Variants in SLC25A46 observed in about 807,000 individuals in gnomAD.
The protein encoded by SLC25A46 is mitochondrial outer membrane protein SLC25A46.
SLC25A46 carries 39 observed loss-of-function variants against 44.6 expected under a neutral mutation model. The observed-to-expected ratio is 0.87, with a 90% confidence interval of 0.68 to 1.14. The LOEUF (loss-of-function observed/expected upper bound fraction) is 1.14, where lower values mean the gene tolerates loss of function less well. Among genes scored for constraint, SLC25A46 ranks in the 50% most tolerant of loss-of-function variants. SLC25A46 has a pLI of 0.00. For missense variants in SLC25A46, 547 were observed against 522.7 expected, an observed-to-expected ratio of 1.05 and a Z score of -0.45; for synonymous variants, 202 against 185.8, an observed-to-expected ratio of 1.09 and a Z score of -0.71.
intron 7 of SLC25A46, among the ~76,000 whole-genome samples, chr5:110,758,189 C>T (rs746062041): frequency 9.2e-5 from 14 of 151,986 alleles, no homozygotes; most frequent in African/African-American, 1.4e-4. Flanking sequence ...AATGCCTTTG[C>T]CATCTCTTGT....
upstream of SLC25A46, chr5:110,738,858 T>C: frequency 1.4e-6 from 1 of 736,116 alleles, no homozygotes; most frequent in Non-Finnish European, 2.1e-6. Flanking sequence ...CACAACCATA[T>C]TCCCACCTAT....
At chr5:110,743,516 C>A (rs1011773885) in intron 2 of SLC25A46, among the ~76,000 whole-genome samples, 2 of 151,996 alleles carry the variant, frequency 1.3e-5, no homozygotes, top group South Asian at 2.1e-4. Flanking sequence ...GTATGCAGAT[C>A]TGGTTTTCAT....
At chr5:110,751,432 G>A (rs1203197169) in intron 5 of SLC25A46, among the ~76,000 whole-genome samples, 1 of 152,166 alleles carries the variant, frequency 6.6e-6, no homozygotes, top group Non-Finnish European at 1.5e-5. Context: ...AAATGCTGTT[G>A]CAGTGGGGAG....
Position 110,762,644 on chromosome 5 carries a change from C to T in SLC25A46, c.*862C>T, listed in dbSNP as rs1280579034. On this transcript the variant is annotated 3_prime_UTR_variant, in exon 8 of 8. Coordinates refer to ENST00000355943, the MANE Select transcript of SLC25A46 (RefSeq NM_138773.4). ...AATCATTGGGCTGTTTTTAGAGCCA[C>T]TGTTAAGAGAGAATATAAAATAATC... is the stretch of plus-strand genomic sequence containing the variant. 1 of 151,822 alleles carries T rather than the reference C, an allele frequency of 6.6e-6. No individual in the cohort carries two copies. The highest frequency in any genetic ancestry group is 1.5e-5 in the Non-Finnish European group (1 of 67,886). 9.4% of individuals were successfully genotyped at this position (151,822 alleles called of 1,614,324 possible). A position where few individuals can be genotyped will look rare whatever the true frequency, so the allele number is the denominator to read the frequency against.
intron 3 of SLC25A46, among the ~76,000 whole-genome samples, chr5:110,744,388 C>T (rs1196012652): frequency 2.0e-5 from 3 of 152,178 alleles, no homozygotes; most frequent in African/African-American, 4.8e-5. Context: ...TACTTTGTTA[C>T]ATTAAAAAAT....
chr5:110,749,914 C>G (rs1354360531), intron 5 of SLC25A46, among the ~76,000 whole-genome samples: 1 of 152,034 alleles, frequency 6.6e-6, no homozygotes, highest in Non-Finnish European at 1.5e-5. Flanking sequence ...TATATCAGCA[C>G]TATATTTTTG....
Position 110,739,166 on chromosome 5 carries a change from G to C in SLC25A46, c.47G>C (p.Gly16Ala). Residue 16 changes from glycine to alanine, a missense_variant, in exon 1 of 8, where the codon GGT (glycine) becomes GCT (alanine). Coordinates refer to ENST00000355943, the MANE Select transcript of SLC25A46 (RefSeq NM_138773.4). ...GGATTTGATGGCTTGGGCTACCGGG[G>C]TGGTGCCCGGGACGAGCAGGGCTTT... ...PDGFDGLGYR[G>A]GARDEQGFGG... 6.4e-7 allele frequency: 1 copy of C among 1,550,402 alleles called. No individual in the cohort carries two copies. Among genetic ancestry groups the C allele is most frequent in the South Asian group, 1.2e-5 (1 of 84,058 alleles).
intron 1 of SLC25A46, among the ~76,000 whole-genome samples, chr5:110,740,846 G>C (rs1463630470): frequency 2.0e-5 from 3 of 152,180 alleles, no homozygotes; most frequent in Non-Finnish European, 2.9e-5. Context: ...CAGCTACTCG[G>C]GAGGCTGAGG....
chr5:110,742,162 A>G (rs1799707940), intron 2 of SLC25A46, 73 bp downstream of exon 2: 2 of 1,067,644 alleles, frequency 1.9e-6, no homozygotes, highest in Admixed American at 5.4e-5. Context: ...TTACAATATT[A>G]AATGATTATT....
rs1800282533 is a variant in SLC25A46 at position 110,762,520 on chromosome 5, G to C, written c.*738G>C. 6.6e-6 allele frequency: 1 copy of C among 151,716 alleles called. No individual in the cohort carries two copies. Among genetic ancestry groups the C allele is most frequent in the South Asian group, 2.1e-4 (1 of 4,818 alleles). 9.4% of individuals were successfully genotyped at this position (151,716 alleles called of 1,614,324 possible). On this transcript the variant is annotated 3_prime_UTR_variant, in exon 8 of 8. Coordinates refer to ENST00000355943, the MANE Select transcript of SLC25A46 (RefSeq NM_138773.4). ...CAAGGTACCCAAAAGATACAAGTCA[G>C]AGACAACATCCTTGTCCATATCCAA...
At position 110,764,159 on chromosome 5, in the gene SLC25A46, T is replaced by C. The variant is rs1419985512; in HGVS notation, c.*2377T>C. 6.6e-6 allele frequency: 1 copy of C among 151,872 alleles called. No homozygotes were observed. The highest frequency in any genetic ancestry group is 1.9e-4 in the East Asian group (1 of 5,174). 9.4% of individuals were successfully genotyped at this position (151,872 alleles called of 1,614,324 possible). A position where few individuals can be genotyped will look rare whatever the true frequency, so the allele number is the denominator to read the frequency against. On this transcript the variant is annotated 3_prime_UTR_variant, in exon 8 of 8. Coordinates refer to ENST00000355943, the MANE Select transcript of SLC25A46 (RefSeq NM_138773.4). ...TGTTCCACAGGCCCACTGGTCCTCTTATATAAGCCAAATTTTGGCCATGGA... is the reference window on the plus strand; with the variant it reads ...TGTTCCACAGGCCCACTGGTCCTCTCATATAAGCCAAATTTTGGCCATGGA...
intron 5 of SLC25A46, among the ~76,000 whole-genome samples, chr5:110,751,100 G>C (rs1799958402): frequency 6.6e-6 from 1 of 152,046 alleles, no homozygotes; most frequent in Non-Finnish European, 1.5e-5. Flanking sequence ...TTGGTGATAA[G>C]GCCCACTCAT....
At chr5:110,738,385 T>G, upstream of SLC25A46, 2 of 537,806 alleles carry the variant, frequency 3.7e-6, no homozygotes, top group South Asian at 3.6e-5. Flanking sequence ...TATAGTTTCT[T>G]TACAGCCTTA....
chr5:110,738,155 C>T, upstream of SLC25A46: 3 of 1,165,416 alleles, frequency 2.6e-6, no homozygotes, highest in African/African-American at 1.6e-5. Flanking sequence ...GGGCTTCCAA[C>T]GAGTTGAAGG....
intron 5 of SLC25A46, among the ~76,000 whole-genome samples, chr5:110,748,744 G>A (rs1336346748): frequency 6.6e-6 from 1 of 152,052 alleles, no homozygotes; most frequent in Non-Finnish European, 1.5e-5. Context: ...AGCAAGAAGA[G>A]GTAACATGTC....
chr5:110,740,048 G>A (rs1799607639), intron 1 of SLC25A46, among the ~76,000 whole-genome samples: 1 of 151,974 alleles, frequency 6.6e-6, no homozygotes. Flanking sequence ...TCCTTCTGCT[G>A]ACCTAAAAAC....
intron 5 of SLC25A46, among the ~76,000 whole-genome samples, chr5:110,750,155 C>T (rs1042904819): frequency 2.6e-5 from 4 of 151,470 alleles, no homozygotes; most frequent in Admixed American, 6.6e-5. Context: ...TGAAGGACCT[C>T]GTAGTCTTGA....
chr5:110,758,137 T>G (rs1005869192), intron 7 of SLC25A46, among the ~76,000 whole-genome samples: 4 of 152,110 alleles, frequency 2.6e-5, no homozygotes, highest in South Asian at 2.1e-4. Flanking sequence ...TCTAGAACTC[T>G]TTTTTCTTTA....
In SLC25A46 at chr5:110,749,345, A is replaced by T. The variant is rs7730202; in HGVS notation, c.563+1082A>T. Among the ~76,000 whole-genome samples the T allele has an allele frequency of 1.5e-3, 222 of 152,036 alleles. 3 individuals carry two copies. The highest frequency in any genetic ancestry group is 4.8e-3 in the African/African-American group (201 of 41,492). The stretch of plus-strand genomic sequence containing the variant: ...TGGATCAGAGTAAAAAAAAAAAAAT[A>T]GAAAATTGAAGCACAGGGAGAGCTT... On this transcript the variant is annotated intron_variant, in intron 5 of 7. Coordinates refer to ENST00000355943, the MANE Select transcript of SLC25A46 (RefSeq NM_138773.4).
Sources: gnomAD v4.1 joint callset for allele counts (sites outside exome capture counted in the v4.1 genomes callset) on GRCh38, gnomAD v4.1.1 for gene constraint, MANE v1.5 for transcripts, NCBI Gene and HGNC (gene_info 2026-07-23, HGNC 2026-07-21) for gene names.